The following SSBP2 variants were observed in gnomAD, a reference collection of about 807,000 sequenced individuals.
SSBP2 encodes single-stranded DNA-binding protein 2.
SSBP2 carries 17 observed loss-of-function variants against 61.8 expected under a neutral mutation model. The ratio of observed to expected loss-of-function variants is 0.28; its 90% CI spans 0.19 to 0.41. The LOEUF (loss-of-function observed/expected upper bound fraction) is 0.41, where lower values mean the gene tolerates loss of function less well. Ranked by LOEUF, SSBP2 falls within the 10% of genes least tolerant of loss-of-function variation. The pLI is 1.00. For synonymous variants in SSBP2, 139 were observed against 141.3 expected (o/e 0.98, Z 0.12); for missense variants, 310 against 458.7 (o/e 0.68, Z 2.96).
At chr5:81,711,464 A>C (rs552587235) in intron 1 of SSBP2, among the ~76,000 whole-genome samples, 1 of 152,174 alleles carries the variant, frequency 6.6e-6, no homozygotes, top group Non-Finnish European at 1.5e-5. Flanking sequence ...AGCAGGAGGC[A>C]ATCTTAGAAA....
intron 3 of SSBP2, among the ~76,000 whole-genome samples, chr5:81,624,890 G>A (rs1443053424): frequency 2.6e-5 from 4 of 151,862 alleles, no homozygotes; most frequent in Non-Finnish European, 4.4e-5. Flanking sequence ...TAAATACCAC[G>A]TCTATATAAT....
intron 6 of SSBP2, among the ~76,000 whole-genome samples, chr5:81,476,348 G>A (rs1181628170): frequency 6.6e-6 from 1 of 152,118 alleles, no homozygotes; most frequent in Non-Finnish European, 1.5e-5. Flanking sequence ...CATCATGGAA[G>A]ACATGTTACA....
intron 15 of SSBP2, among the ~76,000 whole-genome samples, chr5:81,434,612 A>G (rs993392265): frequency 1.4e-5 from 2 of 144,472 alleles, no homozygotes; most frequent in African/African-American, 2.6e-5. Flanking sequence ...AGCCTGGGCA[A>G]CAAGAGCGAA....
chr5:81,590,414 C>T (rs1336874095), intron 4 of SSBP2, among the ~76,000 whole-genome samples: 1 of 152,166 alleles, frequency 6.6e-6, no homozygotes, highest in Non-Finnish European at 1.5e-5. Flanking sequence ...GTAAAAAATC[C>T]CACATTTTCT....
chr5:81,469,540 C>T (rs1050827770), intron 8 of SSBP2, among the ~76,000 whole-genome samples: 4 of 151,796 alleles, frequency 2.6e-5, no homozygotes, highest in African/African-American at 9.7e-5. Flanking sequence ...CATTATATAA[C>T]AGTTTTTCTT....
At chr5:81,609,012 A>T (rs1324189709) in intron 4 of SSBP2, among the ~76,000 whole-genome samples, 1 of 152,228 alleles carries the variant, frequency 6.6e-6, no homozygotes, top group East Asian at 1.9e-4. Flanking sequence ...AAGAGAAAAT[A>T]GAAGGAATTT....
intron 10 of SSBP2, among the ~76,000 whole-genome samples, chr5:81,452,050 G>GAGAGTAGT (rs1763810756): frequency 1.4e-5 from 2 of 142,958 alleles, no homozygotes; most frequent in African/African-American, 2.9e-5. Context: ...GAGAGTAGAT[G>GAGAGTAGT]CCCATCAGAA....
At chr5:81,511,596 C>T (rs1036032312) in intron 5 of SSBP2, among the ~76,000 whole-genome samples, 1 of 152,168 alleles carries the variant, frequency 6.6e-6, no homozygotes, top group African/African-American at 2.4e-5. Context: ...TTCTGACTTT[C>T]TGAAATGTAA....
intron 5 of SSBP2, among the ~76,000 whole-genome samples, chr5:81,507,851 T>C (rs368531580): frequency 6.6e-6 from 1 of 152,286 alleles, no homozygotes; most frequent in East Asian, 1.9e-4. Flanking sequence ...ACAGAGTTAA[T>C]AATCTAATTT....
intron 5 of SSBP2, among the ~76,000 whole-genome samples, chr5:81,502,282 T>C (rs1348256753): frequency 6.6e-6 from 1 of 152,186 alleles, no homozygotes; most frequent in Non-Finnish European, 1.5e-5. Flanking sequence ...ATCATTCTTC[T>C]CCTCCTCAAA....
At chr5:81,431,034 G>A (rs995644951) in intron 15 of SSBP2, among the ~76,000 whole-genome samples, 1 of 152,084 alleles carries the variant, frequency 6.6e-6, no homozygotes, top group African/African-American at 2.4e-5. Context: ...ATTCAATATT[G>A]GCATCTGAGG....
chr5:81,427,624 G>A (rs1762035020), intron 16 of SSBP2, among the ~76,000 whole-genome samples: 1 of 152,214 alleles, frequency 6.6e-6, no homozygotes, highest in South Asian at 2.1e-4. Flanking sequence ...TGGGCAAAAT[G>A]AGGGTAGTCT....
At chr5:81,737,472 G>C (rs1756698909) in intron 1 of SSBP2, among the ~76,000 whole-genome samples, 1 of 151,884 alleles carries the variant, frequency 6.6e-6, no homozygotes, top group South Asian at 2.1e-4. Flanking sequence ...CTAAGTCACA[G>C]ATGGTTTCTT....
intron 2 of SSBP2, among the ~76,000 whole-genome samples, chr5:81,639,910 T>C (rs1748618235): frequency 1.3e-5 from 2 of 152,100 alleles, no homozygotes; most frequent in Non-Finnish European, 2.9e-5. Flanking sequence ...TCCTCTTTAA[T>C]AAAAAGATGA....
At chr5:81,708,533 T>C (rs1462042383) in intron 1 of SSBP2, among the ~76,000 whole-genome samples, 1 of 152,112 alleles carries the variant, frequency 6.6e-6, no homozygotes, top group African/African-American at 2.4e-5. Context: ...CTCAGATTTT[T>C]TTTAAAGCAG....
intron 5 of SSBP2, among the ~76,000 whole-genome samples, chr5:81,511,837 T>A (rs922219261): frequency 6.6e-6 from 1 of 152,196 alleles, no homozygotes; most frequent in African/African-American, 2.4e-5. Context: ...CCTACTACAG[T>A]GCCTGGCATA....
intron 4 of SSBP2, among the ~76,000 whole-genome samples, chr5:81,582,738 C>T (rs929790445): frequency 5.3e-5 from 8 of 152,068 alleles, no homozygotes; most frequent in African/African-American, 1.4e-4. Context: ...GGATTACAGG[C>T]GTGCACCACC....
intron 11 of SSBP2, 140 bp downstream of exon 11, chr5:81,448,650 G>A (rs1029783919): frequency 1.0e-5 from 8 of 767,068 alleles, no homozygotes; most frequent in Non-Finnish European, 1.8e-5. Context: ...TATGTACTGA[G>A]GTTGGCAGAT....
At chr5:81,631,344 G>T (rs1016860225) in intron 3 of SSBP2, among the ~76,000 whole-genome samples, 9 of 152,110 alleles carry the variant, frequency 5.9e-5, no homozygotes, top group Non-Finnish European at 1.0e-4. Context: ...TTAAAAACAT[G>T]ATGGCATTAA....
Sources: allele counts gnomAD v4.1 joint callset (sites outside exome capture counted in the v4.1 genomes callset), GRCh38; gene constraint gnomAD v4.1.1; transcripts MANE v1.5; gene names NCBI Gene and HGNC (gene_info 2026-07-23, HGNC 2026-07-21).